Variants in ZNF385D observed in about 807,000 individuals in gnomAD.
ZNF385D encodes the protein zinc finger protein 385D.
In ZNF385D, 15 loss-of-function variants were observed where a neutral mutation model predicts 35.8. That is an observed-to-expected ratio of 0.42 (90% CI 0.28 to 0.64). The LOEUF (loss-of-function observed/expected upper bound fraction) is 0.64. Ranked by LOEUF, ZNF385D falls within the 30% of genes least tolerant of loss-of-function variation. The pLI is 0.23. For missense variants in ZNF385D, 474 were observed against 494.6 expected, an observed-to-expected ratio of 0.96 and a Z score of 0.39; for synonymous variants, 212 against 186.8, an observed-to-expected ratio of 1.13 and a Z score of -1.10.
chr3:22,335,072 C>T (rs1186775838), intron 2 of ZNF385D, among the ~76,000 whole-genome samples: 2 of 152,060 alleles, frequency 1.3e-5, no homozygotes, highest in Non-Finnish European at 2.9e-5. Flanking sequence ...GAACAAATTT[C>T]CTGCTTTCAT....
rs79081901 is a variant in ZNF385D, at chr3:21,888,611, A to C, written c.326-223583T>G. On this transcript the variant is annotated intron_variant, in intron 3 of 5. Coordinates refer to the ZNF385D transcript ENST00000494108. ...AAGATTAAGAATTGAAATAAAATGGAAACAGCAGGTCTAGTTACTTTTTCA... is the reference window on the plus strand; with the variant it reads ...AAGATTAAGAATTGAAATAAAATGGCAACAGCAGGTCTAGTTACTTTTTCA... 3.3e-3 allele frequency among the ~76,000 whole-genome samples: 503 copies of C among 152,280 alleles called. 6 individuals carry two copies. The highest frequency in any genetic ancestry group is 0.011 in the African/African-American group (474 of 41,556).
At chr3:21,576,260 C>T (rs1278245237) in intron 2 of ZNF385D, among the ~76,000 whole-genome samples, 1 of 152,248 alleles carries the variant, frequency 6.6e-6, no homozygotes, top group East Asian at 1.9e-4. Flanking sequence ...TGATTTTGTT[C>T]AGAAAATCAG....
chr3:22,058,137 G>C (rs1481641282), intron 3 of ZNF385D, among the ~76,000 whole-genome samples: 4 of 152,282 alleles, frequency 2.6e-5, no homozygotes, highest in South Asian at 4.2e-4. Flanking sequence ...AAAGATATGT[G>C]GTTCCTTAAA....
At chr3:21,875,865 C>T (rs73146837) in intron 3 of ZNF385D, among the ~76,000 whole-genome samples, 4,514 of 152,046 alleles carry the variant, frequency 0.03, 214 homozygotes, top group African/African-American at 0.099. Flanking sequence ...GGCTGGTCAG[C>T]AAACAATTTC....
In ZNF385D at chr3:22,283,872, G is replaced by A. The variant is rs536255430; in HGVS notation, c.106+88578C>T. ...AAGGAAGAAAGAAATCTCTTAACAG[G>A]AATAATGCATTTCTAGTGACATCTG... On this transcript the variant is annotated intron_variant, in intron 2 of 5. Coordinates refer to the ZNF385D transcript ENST00000494108. 3.3e-5 allele frequency among the ~76,000 whole-genome samples: 5 copies of A among 152,218 alleles called. No individual in the cohort carries two copies. The South Asian group carries it at 1.0e-3, about 32-fold the overall frequency.
chr3:21,671,895 C>G (rs1269783643), intron 1 of ZNF385D, among the ~76,000 whole-genome samples: 3 of 152,126 alleles, frequency 2.0e-5, no homozygotes, highest in Non-Finnish European at 4.4e-5. Context: ...GAAGAAGAAT[C>G]CAGAAAGATA....
intron 3 of ZNF385D, among the ~76,000 whole-genome samples, chr3:22,140,555 A>G (rs1704444817): frequency 6.6e-6 from 1 of 152,172 alleles, no homozygotes; most frequent in Non-Finnish European, 1.5e-5. Flanking sequence ...AGCTAGTACA[A>G]TCCAAATAAA....
In ZNF385D at chr3:22,149,445, C is replaced by A. The variant is rs142912778; in HGVS notation, c.325+19372G>T. 2.5e-3 allele frequency among the ~76,000 whole-genome samples: 374 copies of A among 152,282 alleles called. 2 individuals are homozygous for A. Among genetic ancestry groups the A allele is most frequent in the African/African-American group, 8.6e-3 (358 of 41,576 alleles). On this transcript the variant is annotated intron_variant, in intron 3 of 5. Coordinates refer to the ZNF385D transcript ENST00000494108. Reference sequence around the variant, plus strand: ...ACTACATAGGGCAGTGATTCTTAAGCTTGAGCATGCAACAGAATCGCCCAA... The same window carrying A: ...ACTACATAGGGCAGTGATTCTTAAGATTGAGCATGCAACAGAATCGCCCAA...
At chr3:21,762,705 G>A (rs2070671841) in intron 3 of ZNF385D, among the ~76,000 whole-genome samples, 1 of 152,162 alleles carries the variant, frequency 6.6e-6, no homozygotes, top group Admixed American at 6.5e-5. Flanking sequence ...TAGACAGACA[G>A]CCTTTCACTG....
chr3:21,910,682 T>C (rs992113118), intron 3 of ZNF385D, among the ~76,000 whole-genome samples: 10 of 151,698 alleles, frequency 6.6e-5, no homozygotes, highest in African/African-American at 2.4e-4. Flanking sequence ...GGTCAAAATA[T>C]GAACGTAGAA....
intron 2 of ZNF385D, among the ~76,000 whole-genome samples, chr3:21,637,529 A>C (rs1026578007): frequency 6.6e-6 from 1 of 152,104 alleles, no homozygotes; most frequent in African/African-American, 2.4e-5. Context: ...TATAGTTTGA[A>C]GTCAGGTAAT....
chr3:21,467,783 A>G (rs1322016974), intron 4 of ZNF385D, among the ~76,000 whole-genome samples: 1 of 152,170 alleles, frequency 6.6e-6, no homozygotes, highest in Non-Finnish European at 1.5e-5. Context: ...AGCACCTTCA[A>G]AATGCTGGTT....
At chr3:21,955,796 G>A (rs748182385) in intron 3 of ZNF385D, among the ~76,000 whole-genome samples, 3 of 152,022 alleles carry the variant, frequency 2.0e-5, no homozygotes, top group African/African-American at 4.8e-5. Flanking sequence ...TTCCATACTG[G>A]CACATGCTAA....
In ZNF385D at chr3:21,636,815, G is replaced by A. The variant is rs889463953; in HGVS notation, c.165+28071C>T. ...AGTATTAACCATCACAGGTGGTATT[G>A]CATTGTGGTTTTGATTTGCATCTTC... On this transcript the variant is annotated intron_variant, in intron 2 of 7. Transcript: ENST00000281523. 5.3e-5 allele frequency among the ~76,000 whole-genome samples: 8 copies of A among 151,990 alleles called. No individual in the cohort carries two copies. In the South Asian group the frequency reaches 1.7e-3, roughly 32 times the overall value.
rs1276646145 is a variant in ZNF385D at position 22,095,381 on chromosome 3, T to G, written c.325+73436A>C. Among the ~76,000 whole-genome samples the G allele has an allele frequency of 2.0e-5, 3 of 151,744 alleles. No individual in the cohort carries two copies. In the East Asian group the frequency reaches 5.8e-4, roughly 29 times the overall value. On this transcript the variant is annotated intron_variant, in intron 3 of 5. Transcript: ENST00000494108. ...TTTGGTATTCCATCATGATTTTTTC[T>G]CTTTTTTCATATGGTAACTTAGGCA... is the stretch of plus-strand genomic sequence containing the variant.
chr3:21,822,945 A>G (rs570253461), intron 3 of ZNF385D, among the ~76,000 whole-genome samples: 42 of 152,282 alleles, frequency 2.8e-4, no homozygotes, highest in Middle Eastern at 3.4e-3. Flanking sequence ...AAAAAAGCAA[A>G]TGAATTACTC....
intron 2 of ZNF385D, among the ~76,000 whole-genome samples, chr3:21,663,594 T>C (rs2066301681): frequency 6.6e-6 from 1 of 151,998 alleles, no homozygotes; most frequent in Non-Finnish European, 1.5e-5. Context: ...AATTTGATGC[T>C]GAGCAAGGTT....
chr3:21,634,419 G>A (rs1354911438), intron 2 of ZNF385D, among the ~76,000 whole-genome samples: 1 of 151,794 alleles, frequency 6.6e-6, no homozygotes, highest in Non-Finnish European at 1.5e-5. Context: ...GGGAACAATG[G>A]CTTTTCTTTT....
At chr3:21,748,846 A>G (rs1413917661) in intron 1 of ZNF385D, among the ~76,000 whole-genome samples, 1 of 152,212 alleles carries the variant, frequency 6.6e-6, no homozygotes, top group Non-Finnish European at 1.5e-5. Context: ...CAGCATTTTC[A>G]AACATTAGGA....
Sources: allele counts gnomAD v4.1 joint callset (sites outside exome capture counted in the v4.1 genomes callset), GRCh38; gene constraint gnomAD v4.1.1; transcripts MANE v1.5; gene names NCBI Gene and HGNC (gene_info 2026-07-23, HGNC 2026-07-21).